Variants in GNPTAB observed in about 807,000 individuals in gnomAD.
GNPTAB encodes the protein N-acetylglucosamine-1-phosphate transferase subunits alpha and beta, also known as N-acetylglucosamine-1-phosphotransferase subunits alpha/beta.
In GNPTAB, 92 loss-of-function variants were observed where a neutral mutation model predicts 136.6. The ratio of observed to expected loss-of-function variants is 0.67; its 90% CI spans 0.57 to 0.80. GNPTAB has a LOEUF of 0.80. Among genes scored for constraint, GNPTAB ranks in the 30% least tolerant of loss-of-function variants. The pLI, the probability that GNPTAB is intolerant of heterozygous loss-of-function variation, is 0.00. For missense variants in GNPTAB, 1,343 were observed against 1,501.8 expected, an observed-to-expected ratio of 0.89 and a Z score of 1.75; for synonymous variants, 512 against 535.1, an observed-to-expected ratio of 0.96 and a Z score of 0.60.
intron 2 of GNPTAB, among the ~76,000 whole-genome samples, chr12:101,790,998 C>T (rs1868956356): frequency 6.6e-6 from 1 of 152,016 alleles, no homozygotes; most frequent in Non-Finnish European, 1.5e-5. Flanking sequence ...AAGCAGAAAA[C>T]TTTCATGCTT....
rs281865024 is a variant in GNPTAB at position 101,780,573 on chromosome 12, ACTGT to A, written c.616_619del (p.Thr206TyrfsTer6). 19 of 1,609,736 alleles carry A rather than the reference ACTGT, an allele frequency of 1.2e-5. No individual in the cohort carries two copies. The Admixed American group carries it at 2.3e-4, about 20-fold the overall frequency. ...ATAACATACCAAGTAGCCCCTCCAT[ACTGT>A]CTGTCTGCTATTTCCTTTAAGCAGT... On this transcript the variant is annotated frameshift_variant, in exon 6 of 21. Transcript: ENST00000299314. LOFTEE classifies it high-confidence loss of function.
At chr12:101,805,727 A>T (rs868229026) in intron 1 of GNPTAB, among the ~76,000 whole-genome samples, 27 of 152,254 alleles carry the variant, frequency 1.8e-4, no homozygotes, top group Non-Finnish European at 1.9e-4. Context: ...TAGGCCATTT[A>T]AAAAAATTGC....
chr12:101,786,106 A>T lies in GNPTAB; in HGVS notation c.477T>A (p.Pro159=). Residue 159 remains proline, a synonymous_variant, in exon 5 of 21, where the codon CCT becomes CCA. Coordinates refer to ENST00000299314, the MANE Select transcript of GNPTAB (RefSeq NM_024312.5). ...ITLKDLPSLY[P]SFHSASDIFN... ...AAATGTCACTGGCAGAATGAAAAGA[A>T]GGATAAAGAGATGGCAGGTCCTTCA... 6.2e-7 allele frequency: 1 copy of T among 1,614,160 alleles called. No homozygotes were observed. The highest frequency in any genetic ancestry group is 1.1e-5 in the South Asian group (1 of 91,086).
intron 7 of GNPTAB, chr12:101,779,843 C>T (rs1345173928): frequency 1.3e-5 from 5 of 398,942 alleles, no homozygotes; most frequent in East Asian, 5.8e-5. Flanking sequence ...TGAACGCACC[C>T]GATCTTGTCT....
chr12:101,795,004 C>G (rs1019592521), intron 2 of GNPTAB, among the ~76,000 whole-genome samples: 1 of 152,156 alleles, frequency 6.6e-6, no homozygotes, highest in Admixed American at 6.5e-5. Context: ...ACCATCTGCA[C>G]GTGGCACAGC....
At chr12:101,802,019 C>T (rs1869666304) in intron 1 of GNPTAB, among the ~76,000 whole-genome samples, 1 of 151,738 alleles carries the variant, frequency 6.6e-6, no homozygotes, top group Non-Finnish European at 1.5e-5. Context: ...GAGATCCTGT[C>T]TCAGAACAAC....
intron 1 of GNPTAB, among the ~76,000 whole-genome samples, chr12:101,805,280 T>A (rs1018888412): frequency 6.6e-6 from 1 of 152,202 alleles, no homozygotes; most frequent in Non-Finnish European, 1.5e-5. Flanking sequence ...CACTAACAAG[T>A]GAATTTTATT....
At chr12:101,760,240 T>A in intron 15 of GNPTAB, 97 bp from the exon 16 acceptor site, 2 of 789,544 alleles carry the variant, frequency 2.5e-6, no homozygotes, top group Non-Finnish European at 4.5e-6. Context: ...AAAAATGGTT[T>A]AAATGCTATC....
chr12:101,821,725 A>G (rs117687178), intron 1 of GNPTAB, among the ~76,000 whole-genome samples: 31 of 152,272 alleles, frequency 2.0e-4, no homozygotes, highest in Non-Finnish European at 3.5e-4. Flanking sequence ...CAACAAAATT[A>G]CCAAGAGAAC....
intron 2 of GNPTAB, among the ~76,000 whole-genome samples, chr12:101,790,881 C>CT (rs577915488): frequency 3.7e-4 from 55 of 148,516 alleles, no homozygotes; most frequent in East Asian, 7.8e-4. Flanking sequence ...TCTGCTTTTC[C>CT]TTTTTTTTTT....
At position 101,786,584 on chromosome 12, in the gene GNPTAB, A is replaced by T. The variant is rs1051384716; in HGVS notation, c.366-367T>A. ...AGGAAGGAGGCAGATTCTGGTTAAT[A>T]GAGTGTCATGTTACCAGATACAAGT... On this transcript the variant is annotated intron_variant, in intron 4 of 20. Coordinates refer to ENST00000299314, the MANE Select transcript of GNPTAB (RefSeq NM_024312.5). 5.3e-5 allele frequency among the ~76,000 whole-genome samples: 8 copies of T among 152,118 alleles called. No individual in the cohort carries two copies. In the East Asian group the frequency reaches 7.7e-4, roughly 15 times the overall value.
chr12:101,827,973 A>G (rs976854965), intron 1 of GNPTAB, among the ~76,000 whole-genome samples: 1 of 152,176 alleles, frequency 6.6e-6, no homozygotes, highest in African/African-American at 2.4e-5. Flanking sequence ...TCAAAACAAA[A>G]CAAAAAAAAC....
At chr12:101,790,902 A>G (rs1868951050) in intron 2 of GNPTAB, among the ~76,000 whole-genome samples, 1 of 150,966 alleles carries the variant, frequency 6.6e-6, no homozygotes, top group African/African-American at 2.4e-5. Context: ...CACAGCACTT[A>G]CTACTTTTGT....
At chr12:101,762,044 G>T (rs1180423605) in intron 13 of GNPTAB, among the ~76,000 whole-genome samples, 1 of 152,180 alleles carries the variant, frequency 6.6e-6, no homozygotes, top group Non-Finnish European at 1.5e-5. Flanking sequence ...TCAAGGACTG[G>T]TCACTGACTG....
chr12:101,794,123 G>A (rs927327579), intron 2 of GNPTAB, among the ~76,000 whole-genome samples: 4 of 152,152 alleles, frequency 2.6e-5, no homozygotes, highest in African/African-American at 4.8e-5. Context: ...GATTACAGGC[G>A]TGAGCCACCG....
intron 1 of GNPTAB, among the ~76,000 whole-genome samples, chr12:101,803,997 C>G (rs1054522581): frequency 6.6e-6 from 1 of 151,640 alleles, no homozygotes; most frequent in Non-Finnish European, 1.5e-5. Flanking sequence ...TTTGGGAGGC[C>G]GAGGTGGGAG....
At chr12:101,817,400 T>C (rs1209159029) in intron 1 of GNPTAB, among the ~76,000 whole-genome samples, 1 of 151,340 alleles carries the variant, frequency 6.6e-6, no homozygotes, top group African/African-American at 2.4e-5. Context: ...CCAGAGTAGC[T>C]GGGACTACAG....
intron 16 of GNPTAB, among the ~76,000 whole-genome samples, chr12:101,757,920 C>A (rs1314627940): frequency 2.6e-5 from 4 of 152,154 alleles, no homozygotes; most frequent in African/African-American, 9.7e-5. Context: ...GGCAAAAACC[C>A]CAAATAAACT....
intron 7 of GNPTAB, among the ~76,000 whole-genome samples, chr12:101,776,872 A>G (rs1953268860): frequency 6.6e-6 from 1 of 152,260 alleles, no homozygotes; most frequent in African/African-American, 2.4e-5. Context: ...CCAGGGCCAC[A>G]GGCCATGGCA....
Sources: gnomAD v4.1 joint callset for allele counts (sites outside exome capture counted in the v4.1 genomes callset) on GRCh38, gnomAD v4.1.1 for gene constraint, MANE v1.5 for transcripts, NCBI Gene and HGNC (gene_info 2026-07-23, HGNC 2026-07-21) for gene names.